Variants in IGSF10 observed in about 807,000 individuals in gnomAD.
The protein encoded by IGSF10 is calvaria mechanical force protein 608.
In IGSF10, 126 loss-of-function variants were observed where a neutral mutation model predicts 128.2. The observed-to-expected ratio is 0.98, with a 90% CI of 0.85 to 1.14. The LOEUF is 1.14. IGSF10 is among the 50% of genes most tolerant of loss of function. The pLI, the probability that IGSF10 is intolerant of heterozygous loss-of-function variation, is 0.00. For missense variants in IGSF10, 3,295 were observed against 3,149.8 expected (o/e 1.05, Z -1.10); for synonymous variants, 1,185 against 1,146.2 (o/e 1.03, Z -0.68).
In IGSF10 at chr3:151,437,674, C is replaced by T. The variant is rs1480427567; in HGVS notation, c.6887G>A (p.Gly2296Glu). ...YGSRITVHKN[G>E]TLEIRNVRLS... ...CCTCACATTCCTAATTTCCAAGGTT[C>T]CATTTTTATGGACTGTGATTCTGCT... is the stretch of plus-strand genomic sequence containing the variant. Residue 2296 changes from glycine to glutamate, a missense_variant, in exon 8 of 8, where the codon GGA (glycine) becomes GAA (glutamate). Transcript: ENST00000282466. 1 of 1,614,150 alleles carries T rather than the reference C, an allele frequency of 6.2e-7. No individual in the cohort carries two copies. The highest frequency in any genetic ancestry group is 8.5e-7 in the Non-Finnish European group (1 of 1,180,030).
In IGSF10 at chr3:151,437,179, TTAGGG is replaced by T; in HGVS notation, c.7377_7381del (p.Pro2460AlafsTer19). The T allele has an allele frequency of 6.2e-7, 1 of 1,614,220 alleles. No individual in the cohort carries two copies. The highest frequency in any genetic ancestry group is 8.5e-7 in the Non-Finnish European group (1 of 1,180,034). On this transcript the variant is annotated frameshift_variant, in exon 8 of 8. Coordinates refer to ENST00000282466, the MANE Select transcript of IGSF10 (RefSeq NM_178822.5). LOFTEE classifies it low-confidence loss of function (END_TRUNC). Reference sequence around the variant, plus strand: ...TGGCATAGTCCATTTGATATTTGGCTTAGGGATTCCATCAGACACACAATGCAGTG... The same window carrying T: ...TGGCATAGTCCATTTGATATTTGGCTATTCCATCAGACACACAATGCAGTG...
At chr3:151,438,996 C>G (rs1214846941) in intron 7 of IGSF10, among the ~76,000 whole-genome samples, 2 of 151,974 alleles carry the variant, frequency 1.3e-5, no homozygotes, top group Non-Finnish European at 2.9e-5. Context: ...GTCTTCTAAG[C>G]CATTTGCTGA....
In IGSF10 at chr3:151,449,282, A is replaced by G. The variant is rs1473039104; in HGVS notation, c.716-17T>C. The G allele has an allele frequency of 2.6e-6, 4 of 1,552,740 alleles. No individual in the cohort carries two copies. The highest frequency in any genetic ancestry group is 3.5e-6 in the Non-Finnish European group (4 of 1,152,028). On this transcript the variant is annotated splice_polypyrimidine_tract_variant and intron_variant, in intron 5 of 7. Transcript: ENST00000282466. ...TTATTACATCTGGAAAAAAATCACA[A>G]TTGAATTATCAGTTGTGACCTCTTT...
the IGSF10 span, among the ~76,000 whole-genome samples, chr3:151,607,707 A>C: frequency 0.33 from 49,947 of 151,452 alleles, 8,718 homozygotes; most frequent in East Asian, 0.64. Flanking sequence ...GTCAGGAGAT[A>C]GAGACCATCC....
chr3:151,512,828 A>G, the IGSF10 span, among the ~76,000 whole-genome samples: 1 of 152,192 alleles, frequency 6.6e-6, no homozygotes, highest in South Asian at 2.1e-4. Context: ...AGAGAATACT[A>G]CAAACACCTC....
At chr3:151,518,729 G>A in the IGSF10 span, among the ~76,000 whole-genome samples, 8 of 152,020 alleles carry the variant, frequency 5.3e-5, no homozygotes, top group East Asian at 3.9e-4. Flanking sequence ...TATTTCCTAT[G>A]TAAGTATCAG....
At chr3:151,555,998 G>A in the IGSF10 span, among the ~76,000 whole-genome samples, 1 of 152,144 alleles carries the variant, frequency 6.6e-6, no homozygotes, top group Admixed American at 6.6e-5. Flanking sequence ...AGTTTAATGT[G>A]ATTTCACACA....
chr3:151,619,592 T>C, the IGSF10 span, among the ~76,000 whole-genome samples: 1 of 152,104 alleles, frequency 6.6e-6, no homozygotes, highest in African/African-American at 2.4e-5. Context: ...ATATGCATTT[T>C]ATGATTAACC....
chr3:151,506,238 C>T, the IGSF10 span, among the ~76,000 whole-genome samples: 1 of 152,184 alleles, frequency 6.6e-6, no homozygotes, highest in Non-Finnish European at 1.5e-5. Context: ...TAGGCATGAG[C>T]CACCACACCC....
the IGSF10 span, among the ~76,000 whole-genome samples, chr3:151,488,475 T>A: frequency 6.6e-6 from 1 of 152,130 alleles, no homozygotes; most frequent in Non-Finnish European, 1.5e-5. Context: ...AAAAACTACT[T>A]TAAATGTCAT....
chr3:151,448,548 T>C lies in IGSF10; in HGVS notation c.1433A>G (p.Asp478Gly). 1 of 1,614,266 alleles carries C rather than the reference T, an allele frequency of 6.2e-7. No individual in the cohort carries two copies. The highest frequency in any genetic ancestry group is 8.5e-7 in the Non-Finnish European group (1 of 1,180,054). ...AGTATGTTCCAGCTTAGTATTGTTA[T>C]CCCTTGAAATCATAGTCCATTTGTG... ...VKHKWTMISR[D>G]NNTKLEHTVL... Residue 478 changes from aspartate (D) to glycine (G), a missense_variant, in exon 6 of 8, where the codon GAT (aspartate) becomes GGT (glycine). Coordinates refer to ENST00000282466, the MANE Select transcript of IGSF10 (RefSeq NM_178822.5).
the IGSF10 span, among the ~76,000 whole-genome samples, chr3:151,566,811 C>T: frequency 1.3e-5 from 2 of 152,206 alleles, no homozygotes; most frequent in East Asian, 1.9e-4. Context: ...TTAGCAATTT[C>T]TTCAATGTCA....
the IGSF10 span, among the ~76,000 whole-genome samples, chr3:151,592,235 C>CT: frequency 2.6e-5 from 1 of 38,110 alleles, no homozygotes; most frequent in African/African-American, 7.5e-5. Context: ...CACACACACA[C>CT]ACACACACAC....
chr3:151,449,600 C>T (rs1309547661), intron 5 of IGSF10, among the ~76,000 whole-genome samples: 1 of 152,136 alleles, frequency 6.6e-6, no homozygotes, highest in Non-Finnish European at 1.5e-5. Context: ...ATGATATGCT[C>T]ATGTTTGTCA....
chr3:151,447,930 G>A lies in IGSF10; in HGVS notation c.2051C>T (p.Ser684Phe). ...CTCCTTAAGATGAGCAATAGGATTG[G>A]ACTCATCAAGTCCAGATCCCTCTGT... is the stretch of plus-strand genomic sequence containing the variant. The part of the protein sequence containing the change: ...GETEGSGLDE[S>F]NPIAHLKEPP... The change falls in exon 6 of 8, where the codon TCC (serine) becomes TTC (phenylalanine). Residue 684 changes from serine to phenylalanine, a missense_variant. Transcript: ENST00000282466. The A allele has an allele frequency of 6.2e-7, 1 of 1,614,026 alleles. No individual in the cohort carries two copies. The highest frequency in any genetic ancestry group is 8.5e-7 in the Non-Finnish European group (1 of 1,180,010).
At chr3:151,603,894 T>C in the IGSF10 span, among the ~76,000 whole-genome samples, 2 of 152,208 alleles carry the variant, frequency 1.3e-5, no homozygotes, top group Non-Finnish European at 2.9e-5. Context: ...TCCTGGGGGA[T>C]GGTCAGCCTT....
chr3:151,541,474 A>G, the IGSF10 span, among the ~76,000 whole-genome samples: 1 of 152,202 alleles, frequency 6.6e-6, no homozygotes, highest in African/African-American at 2.4e-5. Context: ...TCTTATAGTC[A>G]TATAGATGAG....
At chr3:151,558,539 G>A in the IGSF10 span, among the ~76,000 whole-genome samples, 121 of 150,456 alleles carry the variant, frequency 8.0e-4, 1 homozygote, top group African/African-American at 2.7e-3. Context: ...TTTTGAGACC[G>A]AGTCTTGCTC....
chr3:151,472,362 C>A, the IGSF10 span, among the ~76,000 whole-genome samples: 1 of 152,148 alleles, frequency 6.6e-6, no homozygotes, highest in Admixed American at 6.5e-5. Flanking sequence ...ATTAGAAAAT[C>A]TTTTTCCTTT....
Sources: gnomAD v4.1 joint callset for allele counts (sites outside exome capture counted in the v4.1 genomes callset) on GRCh38, gnomAD v4.1.1 for gene constraint, MANE v1.5 for transcripts, NCBI Gene and HGNC (gene_info 2026-07-23, HGNC 2026-07-21) for gene names.